The following SMURF2 variants were observed in gnomAD, a reference collection of about 807,000 sequenced individuals.
SMURF2 encodes the protein SMAD specific E3 ubiquitin protein ligase 2.
In SMURF2, 48 loss-of-function variants were observed where a neutral mutation model predicts 109.6. The ratio of observed to expected loss-of-function variants is 0.44; its 90% confidence interval spans 0.35 to 0.56. SMURF2 has a LOEUF of 0.56. Among genes scored for constraint, SMURF2 ranks in the 20% least tolerant of loss-of-function variants. The pLI, the probability that SMURF2 is intolerant of heterozygous loss-of-function variation, is 0.01. For missense variants in SMURF2, 575 were observed against 909.0 expected (o/e 0.63, Z 4.72); for synonymous variants, 288 against 317.1 (o/e 0.91, Z 0.97).
intron 2 of SMURF2, among the ~76,000 whole-genome samples, chr17:64,599,904 A>G (rs1969870626): frequency 1.3e-5 from 2 of 152,338 alleles, no homozygotes; most frequent in African/African-American, 4.8e-5. Context: ...AAGACTTTGA[A>G]GAGTCTAACC....
chr17:64,547,801 G>C lies in SMURF2; in HGVS notation c.1870C>G (p.Leu624Val). 1.9e-6 allele frequency: 3 copies of C among 1,614,050 alleles called. No individual in the cohort carries two copies. The highest frequency in any genetic ancestry group is 2.5e-6 in the Non-Finnish European group (3 of 1,179,892). The change falls in exon 17 of 19, where the codon CTC (leucine) becomes GTC (valine). Residue 624 changes from leucine to valine, a missense_variant and splice_region_variant. Transcript: ENST00000262435. This position sits in a 1 kb window ranked among gnomAD's most constrained non-coding sequence, Gnocchi z 4.2. The part of the protein sequence containing the change: ...LKTFDEKELE[L>V]IICGLGKIDV... Reference sequence around the variant, plus strand: ...ATCTTTCCAAGTCCACAAATAATGAGCTGTGAAAATAGTACACAGTAATGA... The same window carrying C: ...ATCTTTCCAAGTCCACAAATAATGACCTGTGAAAATAGTACACAGTAATGA...
Position 64,661,943 on chromosome 17 carries a change from G to T in SMURF2, c.-63C>A, listed in dbSNP as rs1970786411. The T allele has an allele frequency of 8.7e-7, 1 of 1,146,722 alleles. No individual in the cohort carries two copies. Among genetic ancestry groups the T allele is most frequent in the African/African-American group, 1.6e-5 (1 of 61,214 alleles). 71.0% of individuals were successfully genotyped at this position (1,146,722 alleles called of 1,614,324 possible). On this transcript the variant is annotated 5_prime_UTR_variant, in exon 1 of 19. Coordinates refer to ENST00000262435, the MANE Select transcript of SMURF2 (RefSeq NM_022739.4). ...ACGGGGGCGACGGCGAGGCGCGGCG[G>T]AGTCACCACAGCGGCCGGGGCTGGG...
chr17:64,575,116 T>TA lies in SMURF2; in HGVS notation c.858-3161dup, dbSNP rs555685824. Among the ~76,000 whole-genome samples the TA allele has an allele frequency of 9.8e-4, 140 of 143,436 alleles. 1 individual carries two copies. Among genetic ancestry groups the TA allele is most frequent in the African/African-American group, 2.6e-3 (103 of 39,372 alleles). 94.1% of individuals were successfully genotyped at this position (143,436 alleles called of 152,430 possible). A position where few individuals can be genotyped will look rare whatever the true frequency, so the allele number is the denominator to read the frequency against. Reference sequence around the variant, plus strand: ...TTTTTTTTTCTTTTTTTAGTAAGCTTAAAAAAAAAAAAGTAAAATTTCCTC... The same window carrying TA: ...TTTTTTTTTCTTTTTTTAGTAAGCTTAAAAAAAAAAAAAGTAAAATTTCCTC... On this transcript the variant is annotated intron_variant, in intron 9 of 18. Coordinates refer to ENST00000262435, the MANE Select transcript of SMURF2 (RefSeq NM_022739.4).
chr17:64,613,885 T>G (rs1165747799), intron 1 of SMURF2, among the ~76,000 whole-genome samples: 1 of 151,996 alleles, frequency 6.6e-6, no homozygotes, highest in Non-Finnish European at 1.5e-5. Flanking sequence ...GTAGAATCAG[T>G]GGGAGCCCTG....
chr17:64,571,043 A>G (rs1598276108), intron 10 of SMURF2, among the ~76,000 whole-genome samples: 1 of 152,202 alleles, frequency 6.6e-6, no homozygotes, highest in Non-Finnish European at 1.5e-5. Context: ...TCAGCCTCCC[A>G]AAGTGCTGGG....
intron 1 of SMURF2, among the ~76,000 whole-genome samples, chr17:64,626,808 C>G (rs1568201014): frequency 6.6e-6 from 1 of 151,938 alleles, no homozygotes; most frequent in African/African-American, 2.4e-5. Flanking sequence ...CACAATCTCA[C>G]TTTGTCATTA....
chr17:64,546,212 A>T, intron 18 of SMURF2, 51 bp downstream of exon 18: 1 of 1,558,086 alleles, frequency 6.4e-7, no homozygotes, highest in Middle Eastern at 1.7e-4. Flanking sequence ...TCTGTTTGGA[A>T]CTAACACTTA....
chr17:64,646,829 T>C (rs1970566053), intron 1 of SMURF2, among the ~76,000 whole-genome samples: 1 of 152,216 alleles, frequency 6.6e-6, no homozygotes, highest in South Asian at 2.1e-4. Flanking sequence ...CTGATTTGTC[T>C]CTCTGGTGGT....
intron 6 of SMURF2, among the ~76,000 whole-genome samples, chr17:64,585,382 G>A (rs117741771): frequency 0.029 from 4,346 of 152,126 alleles, 97 homozygotes; most frequent in Non-Finnish European, 0.044. Context: ...TTTACTAAGC[G>A]CTTATTTTAT....
intron 1 of SMURF2, among the ~76,000 whole-genome samples, chr17:64,632,077 G>A (rs1970359297): frequency 7.0e-6 from 1 of 142,916 alleles, no homozygotes. Context: ...TCCTGCCTCA[G>A]CCTCCCAAGT....
At chr17:64,648,802 T>C (rs1970595685) in intron 1 of SMURF2, among the ~76,000 whole-genome samples, 1 of 152,108 alleles carries the variant, frequency 6.6e-6, no homozygotes, top group African/African-American at 2.4e-5. Flanking sequence ...ACACAATTTA[T>C]TGAAGTACTA....
chr17:64,563,398 T>C (rs1286029014), intron 10 of SMURF2, among the ~76,000 whole-genome samples: 1 of 152,222 alleles, frequency 6.6e-6, no homozygotes, highest in African/African-American at 2.4e-5. Context: ...GGCCAAATAT[T>C]ATACCTAAAA....
At chr17:64,587,045 G>A (rs1555687173) in intron 5 of SMURF2, among the ~76,000 whole-genome samples, 1 of 151,826 alleles carries the variant, frequency 6.6e-6, no homozygotes, top group African/African-American at 2.4e-5. Context: ...GGCGTGGTGC[G>A]TGCACCTGCA....
chr17:64,637,213 G>A (rs1452928406), intron 1 of SMURF2, among the ~76,000 whole-genome samples: 4 of 150,180 alleles, frequency 2.7e-5, no homozygotes, highest in Middle Eastern at 3.4e-3. Flanking sequence ...TACAATCTCC[G>A]CCTCCCAGGT....
rs376941661 is a variant in SMURF2 at position 64,546,372 on chromosome 17, C to A, written c.2072-34G>T. The A allele has an allele frequency of 9.4e-6, 15 of 1,587,794 alleles. No homozygotes were observed. The African/African-American group carries it at 2.0e-4, about 21-fold the overall frequency. On this transcript the variant is annotated intron_variant, in intron 17 of 18. Transcript: ENST00000262435. ...GAAGGAAATGTGGATGAAATCACTG[C>A]AGGTGCGTGCATTAGTCTCCAAAAT... is the stretch of plus-strand genomic sequence containing the variant.
intron 1 of SMURF2, among the ~76,000 whole-genome samples, chr17:64,649,562 C>A (rs192013964): frequency 1.3e-5 from 2 of 152,214 alleles, no homozygotes; most frequent in African/African-American, 4.8e-5. Flanking sequence ...AATATTGAGG[C>A]CGGGTGCAGT....
chr17:64,615,871 C>G (rs1424472439), intron 1 of SMURF2, among the ~76,000 whole-genome samples: 1 of 151,952 alleles, frequency 6.6e-6, no homozygotes, highest in Non-Finnish European at 1.5e-5. Context: ...GCTCTGTTGC[C>G]CAGGCTGGAG....
At chr17:64,625,227 G>A (rs1324207372) in intron 1 of SMURF2, among the ~76,000 whole-genome samples, 1 of 152,006 alleles carries the variant, frequency 6.6e-6, no homozygotes, top group African/African-American at 2.4e-5. Context: ...TTCTCTTTTT[G>A]CTTAAGTTAG....
In SMURF2 at chr17:64,543,117, A is replaced by T. The variant is rs184003708; in HGVS notation, c.*2731T>A. On this transcript the variant is annotated 3_prime_UTR_variant, in exon 19 of 19. Coordinates refer to ENST00000262435, the MANE Select transcript of SMURF2 (RefSeq NM_022739.4). The stretch of plus-strand genomic sequence containing the variant: ...ACATGGAAATAAATATTCACATTAA[A>T]CATGAGGTGCAAGTCCATGGTTCAA... 1.3e-5 allele frequency: 2 copies of T among 152,288 alleles called. No individual in the cohort carries two copies. The highest frequency in any genetic ancestry group is 1.3e-4 in the Admixed American group (2 of 15,296). 9.4% of individuals were successfully genotyped at this position (152,288 alleles called of 1,614,324 possible). A position where few individuals can be genotyped will look rare whatever the true frequency, so the allele number is the denominator to read the frequency against.
Sources: gnomAD v4.1 joint callset for allele counts (sites outside exome capture counted in the v4.1 genomes callset) on GRCh38, gnomAD v4.1.1 for gene constraint, Gnocchi (gnomAD v3.1) non-coding constraint, MANE v1.5 for transcripts, NCBI Gene and HGNC (gene_info 2026-07-23, HGNC 2026-07-21) for gene names.